Variants in ANKRD13C observed in about 807,000 individuals in gnomAD.
The protein encoded by ANKRD13C is ankyrin repeat domain 13C.
A neutral mutation model predicts 65.5 loss-of-function variants in ANKRD13C; 16 were observed. The observed-to-expected ratio is 0.24, with a 90% CI of 0.17 to 0.37. The LOEUF is 0.37. Among genes scored for constraint, ANKRD13C ranks in the 10% least tolerant of loss-of-function variants. ANKRD13C has a pLI of 1.00. For synonymous variants in ANKRD13C, 235 were observed against 238.7 expected, an observed-to-expected ratio of 0.98 and a Z score of 0.14; for missense variants, 503 against 655.9, an observed-to-expected ratio of 0.77 and a Z score of 2.55.
intron 8 of ANKRD13C, among the ~76,000 whole-genome samples, chr1:70,294,263 G>A (rs1679982341): frequency 6.6e-6 from 1 of 152,190 alleles, no homozygotes; most frequent in African/African-American, 2.4e-5. Flanking sequence ...AGGTCTGGAG[G>A]ATATAAAAAC....
At chr1:70,271,019 T>G in intron 11 of ANKRD13C, 63 bp from the exon 12 acceptor site, 1 of 990,006 alleles carries the variant, frequency 1.0e-6, no homozygotes, top group Non-Finnish European at 1.6e-6. Flanking sequence ...CCTTATGCTT[T>G]TCAACTACAT....
intron 3 of ANKRD13C, among the ~76,000 whole-genome samples, chr1:70,320,856 C>T (rs539174993): frequency 7.3e-4 from 110 of 151,640 alleles, no homozygotes; most frequent in African/African-American, 2.6e-3. Context: ...GTGGCGTGAT[C>T]TCAGCTCACT....
intron 1 of ANKRD13C, among the ~76,000 whole-genome samples, chr1:70,346,670 C>A (rs1052250878): frequency 6.6e-6 from 1 of 152,198 alleles, no homozygotes; most frequent in Admixed American, 6.5e-5. Flanking sequence ...ACCATATCAT[C>A]TGACATCAAA....
intron 3 of ANKRD13C, among the ~76,000 whole-genome samples, chr1:70,319,607 C>CAAAAAAAAA (rs1180827448): frequency 8.3e-6 from 1 of 121,168 alleles, no homozygotes; most frequent in South Asian, 2.7e-4. Context: ...AACTCCATCT[C>CAAAAAAAAA]AAAAAAAAAA....
chr1:70,335,639 A>G (rs1336815784), intron 2 of ANKRD13C, among the ~76,000 whole-genome samples: 1 of 150,808 alleles, frequency 6.6e-6, no homozygotes, highest in Non-Finnish European at 1.5e-5. Flanking sequence ...TACTTAATAA[A>G]CAAGTATTAA....
rs563154559 is a variant in ANKRD13C at position 70,268,544 on chromosome 1, C to T, written c.1495+2312G>A. On this transcript the variant is annotated intron_variant, in intron 12 of 12. Transcript: ENST00000370944. ...ACATTACTCAAGCTAAGAAGAGGGG[C>T]GCCACTTCCAGTGAGATAGGAAGAT... Among the ~76,000 whole-genome samples the T allele has an allele frequency of 1.8e-3, 277 of 152,240 alleles. 3 individuals are homozygous for T. Among genetic ancestry groups the T allele is most frequent in the South Asian group, 0.012 (59 of 4,824 alleles).
rs903084191 is a variant in ANKRD13C, at chr1:70,259,927, G to A, written c.*2790C>T. On this transcript the variant is annotated 3_prime_UTR_variant, in exon 13 of 13. Transcript: ENST00000370944. Reference sequence around the variant, plus strand: ...GTACTTATTTACAATATTTACTTCAGTCCTTTCATGGCCTGGAAACAGGAT... The same window carrying A: ...GTACTTATTTACAATATTTACTTCAATCCTTTCATGGCCTGGAAACAGGAT... Among the ~76,000 whole-genome samples, 1 of 152,126 alleles carries A rather than the reference G, an allele frequency of 6.6e-6. No individual in the cohort carries two copies. Among genetic ancestry groups the A allele is most frequent in the Non-Finnish European group, 1.5e-5 (1 of 67,996 alleles).
intron 1 of ANKRD13C, among the ~76,000 whole-genome samples, chr1:70,342,314 C>T (rs1178087201): frequency 6.6e-6 from 1 of 152,002 alleles, no homozygotes. Flanking sequence ...CAGAAGTGGG[C>T]AGATCATGAG....
rs988029991 is a variant in ANKRD13C at position 70,315,411 on chromosome 1, G to GA, written c.663+69dup. On this transcript the variant is annotated intron_variant, in intron 4 of 12. Transcript: ENST00000370944. ...TAAGTGAGAATTTAAGTTGTATTAA[G>GA]AAAAAAATGCTTAAAACTACACTTA... The GA allele has an allele frequency of 5.1e-6, 7 of 1,361,018 alleles. No homozygotes were observed. The East Asian group carries it at 1.2e-4, about 23-fold the overall frequency. 84.3% of individuals were successfully genotyped at this position (1,361,018 alleles called of 1,614,324 possible). A position where few individuals can be genotyped will look rare whatever the true frequency, so the allele number is the denominator to read the frequency against.
chr1:70,304,572 A>ATT (rs1419389319), intron 6 of ANKRD13C, among the ~76,000 whole-genome samples: 1 of 151,638 alleles, frequency 6.6e-6, no homozygotes, highest in Non-Finnish European at 1.5e-5. Context: ...AATTTTTAAT[A>ATT]TTTTTTTGTA....
At chr1:70,265,680 C>G (rs1043306401) in intron 12 of ANKRD13C, among the ~76,000 whole-genome samples, 2 of 151,396 alleles carry the variant, frequency 1.3e-5, no homozygotes, top group Non-Finnish European at 2.9e-5. Flanking sequence ...CAAAAATTAA[C>G]TGGGTGTGGT....
intron 9 of ANKRD13C, among the ~76,000 whole-genome samples, chr1:70,290,247 T>C (rs1679804744): frequency 6.6e-6 from 1 of 152,144 alleles, no homozygotes. Flanking sequence ...CTGACAAACA[T>C]AGTATTACCA....
At chr1:70,284,837 A>G (rs1490961677) in intron 9 of ANKRD13C, among the ~76,000 whole-genome samples, 1 of 152,234 alleles carries the variant, frequency 6.6e-6, no homozygotes, top group Non-Finnish European at 1.5e-5. Context: ...ATCAATAAGA[A>G]AGAAAACTTT....
intron 5 of ANKRD13C, 143 bp downstream of exon 5, chr1:70,313,602 G>A (rs1214508514): frequency 3.4e-6 from 2 of 587,310 alleles, no homozygotes; most frequent in East Asian, 2.8e-5. Flanking sequence ...GCTTTATAAC[G>A]ATTACAGTCA....
chr1:70,328,003 T>C (rs1681617136), intron 2 of ANKRD13C, among the ~76,000 whole-genome samples: 1 of 152,004 alleles, frequency 6.6e-6, no homozygotes, highest in Non-Finnish European at 1.5e-5. Context: ...AGGCGGAGGT[T>C]GCAGTGAGCC....
At chr1:70,288,652 T>C (rs543449298) in intron 9 of ANKRD13C, among the ~76,000 whole-genome samples, 39 of 152,200 alleles carry the variant, frequency 2.6e-4, no homozygotes, top group Non-Finnish European at 4.3e-4. Flanking sequence ...CTAAGTACTA[T>C]ATGATTCCAT....
intron 3 of ANKRD13C, among the ~76,000 whole-genome samples, chr1:70,321,885 AC>A (rs1265304787): frequency 6.6e-6 from 1 of 152,242 alleles, no homozygotes; most frequent in East Asian, 1.9e-4. Context: ...AGAAATGGAC[AC>A]AAAAATAGGT....
In ANKRD13C at chr1:70,270,340, C is replaced by T. The variant is rs532789165; in HGVS notation, c.1495+516G>A. Among the ~76,000 whole-genome samples the T allele has an allele frequency of 1.1e-4, 17 of 152,304 alleles. No homozygotes were observed. In the South Asian group the frequency reaches 3.5e-3, roughly 32 times the overall value. Reference sequence around the variant, plus strand: ...TTAAATCAAGTAGAATAAGAATTCTCATCAGGCACTTTAAATATTTGACAA... The same window carrying T: ...TTAAATCAAGTAGAATAAGAATTCTTATCAGGCACTTTAAATATTTGACAA... On this transcript the variant is annotated intron_variant, in intron 12 of 12. Transcript: ENST00000370944.
At position 70,259,340 on chromosome 1, in the gene ANKRD13C, T is replaced by C. The variant is rs1429771834; in HGVS notation, c.*3377A>G. 2.6e-5 allele frequency among the ~76,000 whole-genome samples: 4 copies of C among 152,234 alleles called. No homozygotes were observed. In the East Asian group the frequency reaches 7.7e-4, roughly 29 times the overall value. ...ACCAAGAATGATTAACAAGCACCTT[T>C]CTTAGAAGTTCTTAAGATTTTGCTT... On this transcript the variant is annotated 3_prime_UTR_variant, in exon 13 of 13. Transcript: ENST00000370944.
Sources: gnomAD v4.1 joint callset for allele counts (sites outside exome capture counted in the v4.1 genomes callset) on GRCh38, gnomAD v4.1.1 for gene constraint, MANE v1.5 for transcripts, NCBI Gene and HGNC (gene_info 2026-07-23, HGNC 2026-07-21) for gene names.